Variants in UBE2D1 observed in about 807,000 individuals in gnomAD.
UBE2D1 encodes ubiquitin-conjugating enzyme E2 D1.
Under a neutral mutation model 24.6 loss-of-function variants are expected in UBE2D1, and 9 were observed. The ratio of observed to expected loss-of-function variants is 0.37; its 90% CI spans 0.22 to 0.64. The LOEUF (loss-of-function observed/expected upper bound fraction) is 0.64. UBE2D1 is among the 30% of genes least tolerant of loss of function. The pLI is 0.64. For synonymous variants in UBE2D1, 57 were observed against 57.6 expected (o/e 0.99, Z 0.04); for missense variants, 87 against 177.1 (o/e 0.49, Z 2.89).
chr10:58,368,632 G>A (rs974944313), intron 6 of UBE2D1, 88 bp from the exon 7 acceptor site: 10 of 818,818 alleles, frequency 1.2e-5, no homozygotes, highest in Admixed American at 6.4e-5. Flanking sequence ...TTAAGTATAA[G>A]AAGGTAGAAT....
At chr10:58,351,923 A>T (rs1048850192) in intron 1 of UBE2D1, among the ~76,000 whole-genome samples, 2 of 152,160 alleles carry the variant, frequency 1.3e-5, no homozygotes, top group Admixed American at 1.3e-4. Context: ...TTATGTGACC[A>T]CTATATATGC....
intron 5 of UBE2D1, among the ~76,000 whole-genome samples, chr10:58,365,303 CA>C (rs1840243845): frequency 6.6e-6 from 1 of 151,926 alleles, no homozygotes; most frequent in Non-Finnish European, 1.5e-5. Flanking sequence ...CCCATCTCTG[CA>C]AAAGAAGAGA....
intron 1 of UBE2D1, among the ~76,000 whole-genome samples, chr10:58,344,986 C>T (rs1161165151): frequency 6.6e-6 from 1 of 151,686 alleles, no homozygotes; most frequent in East Asian, 2.0e-4. Flanking sequence ...TGTCTCAGCC[C>T]CCTGAGTAGC....
chr10:58,347,701 G>A (rs951587488), intron 1 of UBE2D1, among the ~76,000 whole-genome samples: 1 of 145,562 alleles, frequency 6.9e-6, no homozygotes, highest in Non-Finnish European at 1.5e-5. Context: ...AGGCTGGAGT[G>A]CAATGGCACA....
At chr10:58,361,236 T>G in intron 1 of UBE2D1, 102 bp from the exon 2 acceptor site, 1 of 1,193,458 alleles carries the variant, frequency 8.4e-7, no homozygotes, top group Non-Finnish European at 1.2e-6. Flanking sequence ...TAGAACTGCT[T>G]TAAATGTTTT....
At chr10:58,355,217 T>C (rs569661597) in intron 1 of UBE2D1, among the ~76,000 whole-genome samples, 3 of 152,326 alleles carry the variant, frequency 2.0e-5, no homozygotes, top group African/African-American at 7.2e-5. Context: ...GGGGGTTCTT[T>C]GGAGAATCAC....
At chr10:58,335,890 C>G (rs1194639887) in intron 1 of UBE2D1, among the ~76,000 whole-genome samples, 1 of 152,210 alleles carries the variant, frequency 6.6e-6, no homozygotes, top group Non-Finnish European at 1.5e-5. Flanking sequence ...ACAAGATGAC[C>G]TCCTGGCTGT....
At chr10:58,354,722 C>G (rs1442819901) in intron 1 of UBE2D1, among the ~76,000 whole-genome samples, 1 of 152,036 alleles carries the variant, frequency 6.6e-6, no homozygotes, top group African/African-American at 2.4e-5. Flanking sequence ...GTAGTCCCAG[C>G]TACTTGAGAA....
intron 1 of UBE2D1, among the ~76,000 whole-genome samples, chr10:58,352,000 G>T (rs1289181070): frequency 6.6e-6 from 1 of 152,026 alleles, no homozygotes; most frequent in Admixed American, 6.6e-5. Context: ...GATCAAGGTT[G>T]TTTTTTCCTC....
At chr10:58,361,247 TA>T in intron 1 of UBE2D1, 90 bp from the exon 2 acceptor site, 1 of 1,312,214 alleles carries the variant, frequency 7.6e-7, no homozygotes. Flanking sequence ...TAAATGTTTT[TA>T]AAGCTAATAG....
At chr10:58,339,611 C>A (rs748650022) in intron 1 of UBE2D1, among the ~76,000 whole-genome samples, 3 of 152,062 alleles carry the variant, frequency 2.0e-5, no homozygotes, top group South Asian at 2.1e-4. Flanking sequence ...TCTTAGTATA[C>A]CCAAGAGGTA....
At position 58,370,214 on chromosome 10, in the gene UBE2D1, CT is replaced by C. The variant is rs1210870733; in HGVS notation, c.*1450del. On this transcript the variant is annotated 3_prime_UTR_variant, in exon 7 of 7. Transcript: ENST00000373910. ...TGTTTTAACTTGGGGAAAAATACAT[CT>C]CTTTAATGTTTAGCATGCTTGTCAA... The C allele has an allele frequency of 6.6e-6, 1 of 152,002 alleles. No individual in the cohort carries two copies. Among genetic ancestry groups the C allele is most frequent in the African/African-American group, 2.4e-5 (1 of 41,372 alleles). The allele number at this position is 152,002 out of a possible 1,614,324, so 9.4% of individuals were successfully genotyped here. A position where few individuals can be genotyped will look rare whatever the true frequency, so the allele number is the denominator to read the frequency against.
intron 1 of UBE2D1, among the ~76,000 whole-genome samples, chr10:58,356,336 T>C (rs1840131050): frequency 6.6e-6 from 1 of 152,158 alleles, no homozygotes; most frequent in African/African-American, 2.4e-5. Context: ...ATAATGGGCA[T>C]ACTGTCCTGT....
At chr10:58,368,049 A>T in intron 6 of UBE2D1, 33 bp downstream of exon 6, 1 of 1,445,718 alleles carries the variant, frequency 6.9e-7, no homozygotes, top group Middle Eastern at 1.8e-4. Context: ...TTCTGTATGG[A>T]TACATTCCTA....
intron 1 of UBE2D1, among the ~76,000 whole-genome samples, chr10:58,352,916 C>T (rs1391834678): frequency 6.6e-6 from 1 of 151,864 alleles, no homozygotes; most frequent in Non-Finnish European, 1.5e-5. Context: ...TCCAGGGTTC[C>T]CTGCAGTATT....
intron 1 of UBE2D1, among the ~76,000 whole-genome samples, chr10:58,358,540 CTG>C (rs1840157616): frequency 6.6e-6 from 1 of 152,158 alleles, no homozygotes; most frequent in East Asian, 1.9e-4. Flanking sequence ...GTGCCAGAGA[CTG>C]TGCTGTACAC....
intron 1 of UBE2D1, among the ~76,000 whole-genome samples, chr10:58,337,385 T>A (rs140521709): frequency 1.2e-4 from 18 of 152,268 alleles, no homozygotes; most frequent in Middle Eastern, 3.4e-3. Flanking sequence ...TTTACCTACC[T>A]CCTTGATTAG....
chr10:58,346,392 T>A (rs548564569), intron 1 of UBE2D1, among the ~76,000 whole-genome samples: 1 of 152,236 alleles, frequency 6.6e-6, no homozygotes, highest in Admixed American at 6.5e-5. Context: ...TAATTTTGAT[T>A]AATGTCATGA....
chr10:58,350,120 T>G (rs949060035), intron 1 of UBE2D1, among the ~76,000 whole-genome samples: 2 of 152,180 alleles, frequency 1.3e-5, no homozygotes, highest in Non-Finnish European at 2.9e-5. Flanking sequence ...TAATGGCACT[T>G]TGGCATGCAT....
Sources: allele counts gnomAD v4.1 joint callset (sites outside exome capture counted in the v4.1 genomes callset), GRCh38; gene constraint gnomAD v4.1.1; transcripts MANE v1.5; gene names NCBI Gene and HGNC (gene_info 2026-07-23, HGNC 2026-07-21).